The following NRCAM variants were observed in gnomAD, a reference collection of about 807,000 sequenced individuals.
NRCAM encodes the protein NgCAM-related cell adhesion molecule.
In NRCAM, 83 loss-of-function variants were observed where a neutral mutation model predicts 156.5. The observed-to-expected ratio is 0.53, with a 90% confidence interval of 0.44 to 0.64. NRCAM has a LOEUF of 0.64. NRCAM is among the 30% of genes least tolerant of loss of function. NRCAM has a pLI of 0.00. For synonymous variants in NRCAM, 538 were observed against 563.9 expected, an observed-to-expected ratio of 0.95 and a Z score of 0.65; for missense variants, 1,417 against 1,597.3, an observed-to-expected ratio of 0.89 and a Z score of 1.92.
intron 30 of NRCAM, 69 bp downstream of exon 30, chr7:108,166,852 C>G: frequency 6.8e-7 from 1 of 1,471,432 alleles, no homozygotes. Flanking sequence ...CAGCCCCCAT[C>G]TCCAGCTGGA....
At chr7:108,369,269 C>T (rs1206084753) in intron 2 of NRCAM, among the ~76,000 whole-genome samples, 1 of 151,978 alleles carries the variant, frequency 6.6e-6, no homozygotes, top group Non-Finnish European at 1.5e-5. Context: ...AGTGTATCCA[C>T]CCACATACAT....
At chr7:108,201,439 TAA>T (rs980860702) in intron 13 of NRCAM, among the ~76,000 whole-genome samples, 1 of 152,246 alleles carries the variant, frequency 6.6e-6, no homozygotes, top group Non-Finnish European at 1.5e-5. Context: ...ATTGAGTTTT[TAA>T]AAGTTACACC....
intron 3 of NRCAM, among the ~76,000 whole-genome samples, chr7:108,275,842 A>C (rs1406155402): frequency 1.3e-5 from 2 of 151,708 alleles, no homozygotes; most frequent in African/African-American, 4.8e-5. Context: ...TTGATTTTAG[A>C]TCTTTCCTGC....
At chr7:108,225,613 A>C (rs1471835165) in intron 10 of NRCAM, 32 bp downstream of exon 10, 2 of 1,334,896 alleles carry the variant, frequency 1.5e-6, no homozygotes, top group Admixed American at 3.4e-5. Flanking sequence ...ACAATGAAGG[A>C]GAGAATATCA....
At chr7:108,173,574 T>G (rs1359032628) in intron 28 of NRCAM, among the ~76,000 whole-genome samples, 1 of 152,180 alleles carries the variant, frequency 6.6e-6, no homozygotes, top group Non-Finnish European at 1.5e-5. Flanking sequence ...GTTTAAAGTC[T>G]TACTGGCAAA....
intron 3 of NRCAM, among the ~76,000 whole-genome samples, chr7:108,272,726 A>G (rs1439438494): frequency 1.3e-5 from 2 of 152,056 alleles, no homozygotes; most frequent in African/African-American, 2.4e-5. Context: ...AAATAAAAAT[A>G]CTAAAAATAA....
rs142502908 is a variant in NRCAM, at chr7:108,401,412, G to A, written c.-331-1819C>T. Among the ~76,000 whole-genome samples the A allele has an allele frequency of 9.8e-3, 1,492 of 151,848 alleles. 19 individuals carry two copies. The highest frequency in any genetic ancestry group is 0.035 in the African/African-American group (1,430 of 41,390). On this transcript the variant is annotated intron_variant, in intron 1 of 32. Transcript: ENST00000379028. ...AAAAATTATCTGGGTGTGGTGGTGCGCACCTGTGGTCCCCGCTACTCCAGA... is the reference window on the plus strand; with the variant it reads ...AAAAATTATCTGGGTGTGGTGGTGCACACCTGTGGTCCCCGCTACTCCAGA...
Position 108,232,251 on chromosome 7 carries a change from G to A in NRCAM, c.427+75C>T. Reference sequence around the variant, plus strand: ...GCCACTGCTTTGTTGAATAGTATTTGGATGATGTCACAGAAGCTGAGTCTT... The same window carrying A: ...GCCACTGCTTTGTTGAATAGTATTTAGATGATGTCACAGAAGCTGAGTCTT... On this transcript the variant is annotated intron_variant, in intron 7 of 32. Coordinates refer to ENST00000379028, the MANE Select transcript of NRCAM (RefSeq NM_001037132.4). 6.5e-6 allele frequency: 7 copies of A among 1,068,840 alleles called. No individual in the cohort carries two copies. In the South Asian group the frequency reaches 1.1e-4, roughly 17 times the overall value. The allele number at this position is 1,068,840 out of a possible 1,614,324, so 66.2% of individuals were successfully genotyped here. A position where few individuals can be genotyped will look rare whatever the true frequency, so the allele number is the denominator to read the frequency against.
At chr7:108,368,085 A>G (rs1037931504) in intron 2 of NRCAM, among the ~76,000 whole-genome samples, 32 of 152,070 alleles carry the variant, frequency 2.1e-4, no homozygotes, top group African/African-American at 7.5e-4. Context: ...ACTCTCTTCC[A>G]GTTAGAGGGG....
At chr7:108,451,253 A>G (rs1850023497) in intron 1 of NRCAM, among the ~76,000 whole-genome samples, 1 of 152,108 alleles carries the variant, frequency 6.6e-6, no homozygotes, top group Non-Finnish European at 1.5e-5. Flanking sequence ...AAAAAAAAGT[A>G]ACAGTGATTG....
Position 108,411,941 on chromosome 7 carries a change from A to G in NRCAM, c.-331-12348T>C, listed in dbSNP as rs114504197. On this transcript the variant is annotated intron_variant, in intron 1 of 32. Coordinates refer to ENST00000379028, the MANE Select transcript of NRCAM (RefSeq NM_001037132.4). ...TACTTAAGTTGATCCATTTTCTTTA[A>G]GGAAACAAAACTACAGTAAACAATC... Among the ~76,000 whole-genome samples the G allele has an allele frequency of 3.4e-3, 520 of 152,322 alleles. 3 individuals are homozygous for G. The highest frequency in any genetic ancestry group is 0.012 in the African/African-American group (480 of 41,580).
intron 2 of NRCAM, among the ~76,000 whole-genome samples, chr7:108,327,822 G>T (rs182530662): frequency 6.6e-6 from 1 of 152,180 alleles, no homozygotes; most frequent in Admixed American, 6.5e-5. Context: ...GGGAATGACA[G>T]TAGATTCTGC....
chr7:108,378,222 G>A (rs2099684522), intron 2 of NRCAM, among the ~76,000 whole-genome samples: 1 of 151,932 alleles, frequency 6.6e-6, no homozygotes, highest in African/African-American at 2.4e-5. Context: ...GATTACTGAG[G>A]GACTTGAATA....
At chr7:108,276,522 T>A (rs1035870254) in intron 3 of NRCAM, among the ~76,000 whole-genome samples, 7 of 152,210 alleles carry the variant, frequency 4.6e-5, no homozygotes, top group African/African-American at 7.2e-5. Flanking sequence ...TTTGTTGTTT[T>A]AAAGTCTGTT....
At chr7:108,393,835 A>G (rs1254815939) in intron 2 of NRCAM, among the ~76,000 whole-genome samples, 1 of 152,154 alleles carries the variant, frequency 6.6e-6, no homozygotes, top group Non-Finnish European at 1.5e-5. Context: ...AGGTAATCCC[A>G]TCCTCATACA....
chr7:108,382,965 G>A (rs1194297991), intron 2 of NRCAM, among the ~76,000 whole-genome samples: 1 of 152,104 alleles, frequency 6.6e-6, no homozygotes, highest in African/African-American at 2.4e-5. Flanking sequence ...CTTTCCCTAA[G>A]CTTCAGTTCC....
intron 28 of NRCAM, among the ~76,000 whole-genome samples, chr7:108,172,702 T>C (rs1237699121): frequency 6.6e-6 from 1 of 152,174 alleles, no homozygotes; most frequent in Admixed American, 6.5e-5. Context: ...AATAAATGAC[T>C]CAAAGGTCTC....
intron 3 of NRCAM, among the ~76,000 whole-genome samples, chr7:108,240,919 C>T (rs937389935): frequency 4.6e-4 from 70 of 152,226 alleles, no homozygotes; most frequent in African/African-American, 1.5e-3. Context: ...TTTGATGATG[C>T]ATTTCTGTTT....
chr7:108,433,694 A>G (rs545155174), intron 1 of NRCAM, among the ~76,000 whole-genome samples: 1 of 152,260 alleles, frequency 6.6e-6, no homozygotes, highest in South Asian at 2.1e-4. Context: ...CTCTCTGCAC[A>G]TGGGAGCTCC....
Sources: allele counts gnomAD v4.1 joint callset (sites outside exome capture counted in the v4.1 genomes callset), GRCh38; gene constraint gnomAD v4.1.1; transcripts MANE v1.5; gene names NCBI Gene and HGNC (gene_info 2026-07-23, HGNC 2026-07-21).